ARHGEF18: variants seen among roughly 807,000 people sequenced by gnomAD.
ARHGEF18 encodes Rho/Rac guanine nucleotide exchange factor 18.
In ARHGEF18, 93 loss-of-function variants were observed where a neutral mutation model predicts 155.7. That is an observed-to-expected ratio of 0.60 (90% CI 0.50 to 0.71). ARHGEF18 has a LOEUF of 0.71. Among genes scored for constraint, ARHGEF18 ranks in the 30% least tolerant of loss-of-function variants. The probability of loss-of-function intolerance (pLI) is 0.00; values close to 1 mark genes in which losing one functional copy is unlikely to be tolerated. For synonymous variants in ARHGEF18, 742 were observed against 753.1 expected (o/e 0.99, Z 0.24); for missense variants, 1,593 against 1,816.1 (o/e 0.88, Z 2.23).
intron 10 of ARHGEF18, chr19:7,390,852 C>CA (rs1971364424): frequency 6.6e-6 from 1 of 152,018 alleles, no homozygotes; most frequent in East Asian, 1.9e-4. Context: ...CCATCCTGGC[C>CA]AACATGGTGA....
Position 7,467,385 on chromosome 19 carries a change from A to G in ARHGEF18, c.3181A>G (p.Ser1061Gly). ...GCGCGCGGCCCTGGAGAAGCTGCAGAGCCAGCTGCGGCACGAGCAGCAGCG... is the reference window on the plus strand; with the variant it reads ...GCGCGCGGCCCTGGAGAAGCTGCAGGGCCAGCTGCGGCACGAGCAGCAGCG... ...EERAALEKLQ[S>G]QLRHEQQRWE... Residue 1061 changes from serine (S) to glycine (G), a missense_variant, in exon 26 of 29, where the codon AGC (serine) becomes GGC (glycine). Ser to Gly is a moderately conservative substitution (Grantham distance 56). Transcript: ENST00000668164. 1 of 1,533,474 alleles carries G rather than the reference A, an allele frequency of 6.5e-7. No individual in the cohort carries two copies. Among genetic ancestry groups the G allele is most frequent in the Non-Finnish European group, 8.7e-7 (1 of 1,145,636 alleles). 95.0% of individuals were successfully genotyped at this position (1,533,474 alleles called of 1,614,324 possible). A position where few individuals can be genotyped will look rare whatever the true frequency, so the allele number is the denominator to read the frequency against.
At chr19:7,428,481 C>T (rs1277362043) in intron 10 of ARHGEF18, among the ~76,000 whole-genome samples, 2 of 152,092 alleles carry the variant, frequency 1.3e-5, no homozygotes, top group African/African-American at 4.8e-5. Flanking sequence ...TAGCCTCGAA[C>T]TCCTGGCCTC....
At chr19:7,420,388 G>A (rs913760177) in intron 10 of ARHGEF18, among the ~76,000 whole-genome samples, 1 of 152,152 alleles carries the variant, frequency 6.6e-6, no homozygotes, top group Non-Finnish European at 1.5e-5. Flanking sequence ...GAGTAGCTGG[G>A]ACTACAGGCG....
At chr19:7,350,227 C>T (rs1423326751) in intron 1 of ARHGEF18, among the ~76,000 whole-genome samples, 1 of 152,164 alleles carries the variant, frequency 6.6e-6, no homozygotes, top group Non-Finnish European at 1.5e-5. Context: ...AGGCTTCAGG[C>T]ACCCTGAGGT....
intron 10 of ARHGEF18, among the ~76,000 whole-genome samples, chr19:7,400,590 T>C (rs1041428166): frequency 1.3e-5 from 2 of 152,106 alleles, no homozygotes; most frequent in African/African-American, 2.4e-5. Context: ...CCCAGTACTT[T>C]GGAAGGCTGA....
chr19:7,416,866 G>T (rs1474702790), intron 10 of ARHGEF18, among the ~76,000 whole-genome samples: 1 of 151,948 alleles, frequency 6.6e-6, no homozygotes, highest in Non-Finnish European at 1.5e-5. Context: ...GCCTCCCAAA[G>T]TGTTGGGATT....
chr19:7,446,895 C>G, intron 14 of ARHGEF18, 148 bp from the exon 15 acceptor site: 1 of 706,632 alleles, frequency 1.4e-6, no homozygotes, highest in Admixed American at 5.5e-5. Context: ...GATGCTGTCT[C>G]AAAAAAAAAA....
At chr19:7,441,161 TCCCCACC>T (rs1224703104) in intron 11 of ARHGEF18, among the ~76,000 whole-genome samples, 1 of 128,610 alleles carries the variant, frequency 7.8e-6, no homozygotes, top group Non-Finnish European at 1.6e-5. Flanking sequence ...CAGATAATCT[TCCCCACC>T]CCCCGCCCCC....
chr19:7,362,006 A>G (rs1182617703), intron 1 of ARHGEF18, among the ~76,000 whole-genome samples: 4 of 55,804 alleles, frequency 7.2e-5, no homozygotes, highest in East Asian at 8.0e-4. Context: ...AAGAAGAAGA[A>G]GAAGAAGAAG....
chr19:7,384,085 G>A (rs1014994311), intron 10 of ARHGEF18, among the ~76,000 whole-genome samples: 1 of 152,136 alleles, frequency 6.6e-6, no homozygotes, highest in Non-Finnish European at 1.5e-5. Context: ...AGATGCGTGC[G>A]CCGTTTGTAA....
rs1362112808 is a variant in ARHGEF18 at position 7,458,500 on chromosome 19, C to T, written c.2182-12C>T. On this transcript the variant is annotated splice_polypyrimidine_tract_variant and intron_variant, in intron 18 of 28. Coordinates refer to ENST00000668164, the MANE Select transcript of ARHGEF18 (RefSeq NM_001367823.1). ...TAAAGGGTGACCTCCCCAATGCCCT[C>T]TACTCATGCAGGACTCAAAGCCACC... The T allele has an allele frequency of 1.2e-6, 2 of 1,613,012 alleles. No individual in the cohort carries two copies. The highest frequency in any genetic ancestry group is 1.1e-5 in the South Asian group (1 of 90,990).
At chr19:7,478,425 G>T in the ARHGEF18 span, 1 of 1,565,132 alleles carries the variant, frequency 6.4e-7, no homozygotes, top group Non-Finnish European at 8.7e-7. Context: ...GAGCAGGAGG[G>T]TTAGCTCCAC....
chr19:7,464,697 G>A lies in ARHGEF18; in HGVS notation c.2904+7G>A. 6.2e-7 allele frequency: 1 copy of A among 1,613,870 alleles called. No individual in the cohort carries two copies. The highest frequency in any genetic ancestry group is 1.1e-5 in the South Asian group (1 of 91,068). ...TGAGGAATCGCCGCAGGTGGTACGT[G>A]GATATCCATTTGCTCGGTACAGTCT... On this transcript the variant is annotated splice_region_variant and intron_variant, in intron 23 of 28. Transcript: ENST00000668164.
rs149504477 is a variant in ARHGEF18, at chr19:7,435,704, C to G, written c.968-4640C>G. ...CCCAAGATGTCAGAGCATCACAAAT[C>G]CGGAATAAAAGGACATAATCAATAC... On this transcript the variant is annotated intron_variant, in intron 10 of 28. Coordinates refer to ENST00000668164, the MANE Select transcript of ARHGEF18 (RefSeq NM_001367823.1). Among the ~76,000 whole-genome samples the G allele has an allele frequency of 2.1e-3, 326 of 152,262 alleles. 4 individuals carry two copies. The East Asian group carries it at 0.036, about 17-fold the overall frequency.
In ARHGEF18 at chr19:7,471,124, C is replaced by T. The variant is rs554210908; in HGVS notation, c.*826C>T. On this transcript the variant is annotated 3_prime_UTR_variant, in exon 29 of 29. Transcript: ENST00000668164. The surrounding 1 kb of genome is among the most constrained non-coding windows in gnomAD (Gnocchi z 4.4). Reference sequence around the variant, plus strand: ...AGCGGGCCTCTAGCTTCAGCCAGGGCGGGTACACACCCTGGGCACAGGGTC... The same window carrying T: ...AGCGGGCCTCTAGCTTCAGCCAGGGTGGGTACACACCCTGGGCACAGGGTC... 3.9e-5 allele frequency: 11 copies of T among 282,384 alleles called. No homozygotes were observed. The highest frequency in any genetic ancestry group is 5.8e-5 in the East Asian group (1 of 17,328). The allele number at this position is 282,384 out of a possible 1,614,324, so 17.5% of individuals were successfully genotyped here. A position where few individuals can be genotyped will look rare whatever the true frequency, so the allele number is the denominator to read the frequency against.
At position 7,439,953 on chromosome 19, in the gene ARHGEF18, G is replaced by A; in HGVS notation, c.968-391G>A. On this transcript the variant is annotated intron_variant, in intron 10 of 28. Transcript: ENST00000668164. ...ATTTCCACAGTAAATGGTCACAGTG[G>A]GGACCAATATCCTGCCCTCCAGACC... is the stretch of plus-strand genomic sequence containing the variant. 5 of 1,523,268 alleles carry A rather than the reference G, an allele frequency of 3.3e-6. No individual in the cohort carries two copies. The highest frequency in any genetic ancestry group is 4.4e-6 in the Non-Finnish European group (5 of 1,131,968). 94.4% of individuals were successfully genotyped at this position (1,523,268 alleles called of 1,614,324 possible). A position where few individuals can be genotyped will look rare whatever the true frequency, so the allele number is the denominator to read the frequency against.
chr19:7,395,795 C>G lies in ARHGEF18; in HGVS notation c.967+12592C>G, dbSNP rs753845846. On this transcript the variant is annotated intron_variant, in intron 10 of 28. Coordinates refer to ENST00000668164, the MANE Select transcript of ARHGEF18 (RefSeq NM_001367823.1). This position sits in a 1 kb window ranked among gnomAD's most constrained non-coding sequence, Gnocchi z 5.0. ...TTGGTGCTTTCATTGCGGACGGGAACGAGAAGCTTTCCCCTGGTCCTTACA... is the reference window on the plus strand; with the variant it reads ...TTGGTGCTTTCATTGCGGACGGGAAGGAGAAGCTTTCCCCTGGTCCTTACA... Among the ~76,000 whole-genome samples the G allele has an allele frequency of 6.6e-6, 1 of 152,152 alleles. No individual in the cohort carries two copies. The highest frequency in any genetic ancestry group is 1.5e-5 in the Non-Finnish European group (1 of 68,030).
At chr19:7,461,989 A>T (rs930659573) in intron 20 of ARHGEF18, among the ~76,000 whole-genome samples, 163 bp from the exon 21 acceptor site, 1 of 152,184 alleles carries the variant, frequency 6.6e-6, no homozygotes, top group Non-Finnish European at 1.5e-5. Context: ...TCAGAGGACA[A>T]GGCCATGCCC....
Position 7,463,938 on chromosome 19 carries a change from C to A in ARHGEF18, c.2756C>A (p.Thr919Lys), listed in dbSNP as rs1169567763. 1 of 1,591,758 alleles carries A rather than the reference C, an allele frequency of 6.3e-7. No homozygotes were observed. Among genetic ancestry groups the A allele is most frequent in the South Asian group, 1.1e-5 (1 of 87,752 alleles). Reference sequence around the variant, plus strand: ...GAGACCTTCGCGGGCTACGACTGCACAAACAGCCCCACCAAGAGTAAGAGC... The same window carrying A: ...GAGACCTTCGCGGGCTACGACTGCAAAAACAGCCCCACCAAGAGTAAGAGC... ...RAETFAGYDC[T>K]NSPTKNGSFK... The change falls in exon 22 of 29, where the codon ACA becomes AAA. Residue 919 changes from threonine to lysine, a missense_variant. Transcript: ENST00000668164. The surrounding 1 kb of genome is among the most constrained non-coding windows in gnomAD (Gnocchi z 5.2).
Sources: allele counts gnomAD v4.1 joint callset (sites outside exome capture counted in the v4.1 genomes callset), GRCh38; gene constraint gnomAD v4.1.1; non-coding constraint Gnocchi (gnomAD v3.1); transcripts MANE v1.5; gene names NCBI Gene and HGNC (gene_info 2026-07-23, HGNC 2026-07-21).